Variants in RASEF observed in about 807,000 individuals in gnomAD.
RASEF encodes ras and EF-hand domain-containing protein.
In RASEF, 68 loss-of-function variants were observed where a neutral mutation model predicts 90.1. The observed-to-expected ratio is 0.75, with a 90% confidence interval of 0.62 to 0.92. The LOEUF is 0.92. RASEF is among the 40% of genes least tolerant of loss of function. The pLI is 0.00. For synonymous variants in RASEF, 331 were observed against 345.2 expected, an observed-to-expected ratio of 0.96 and a Z score of 0.46; for missense variants, 949 against 937.2, an observed-to-expected ratio of 1.01 and a Z score of -0.16.
chr9:83,022,422 G>A lies in RASEF; in HGVS notation c.583C>T (p.Gln195Ter). The change falls in exon 3 of 17, where the codon CAG becomes TAG. Residue 195 changes from glutamine (Q) to a stop codon, truncating the protein, a stop_gained. Transcript: ENST00000376447. LOFTEE classifies it high-confidence loss of function. ...CTCAACTGCATAGCTGCCTTGTCCT[G>A]GGCTCTGAAATTCAAAAGGATGCAC... ...ENLAIAVKRA[Q>*]DKAAMQLSEL... 1 of 1,612,982 alleles carries A rather than the reference G, an allele frequency of 6.2e-7. No homozygotes were observed. The highest frequency in any genetic ancestry group is 1.1e-5 in the South Asian group (1 of 91,030).
chr9:82,994,508 A>G (rs935657374), intron 14 of RASEF, among the ~76,000 whole-genome samples: 2 of 152,068 alleles, frequency 1.3e-5, no homozygotes, highest in African/African-American at 4.8e-5. Flanking sequence ...CTTCTACCAT[A>G]TCATTTCATT....
chr9:83,094,207 T>TA, the RASEF span, among the ~76,000 whole-genome samples: 1 of 151,782 alleles, frequency 6.6e-6, no homozygotes, highest in Non-Finnish European at 1.5e-5. Context: ...TCTAATATCA[T>TA]AGCCATTAGC....
chr9:83,175,705 T>C, the RASEF span, among the ~76,000 whole-genome samples: 51,828 of 151,862 alleles, frequency 0.34, 8,936 homozygotes, highest in Middle Eastern at 0.43. Context: ...CTCAGCCTCC[T>C]GAGTAGCCGG....
chr9:83,112,504 G>A, the RASEF span, among the ~76,000 whole-genome samples: 1 of 152,122 alleles, frequency 6.6e-6, no homozygotes, highest in African/African-American at 2.4e-5. Flanking sequence ...GACCAACATG[G>A]AGAAACCCCG....
rs1051690285 is a variant in RASEF, at chr9:82,982,570, C to T, written c.*107G>A. 1.8e-5 allele frequency: 13 copies of T among 732,716 alleles called. No homozygotes were observed. Among genetic ancestry groups the T allele is most frequent in the Non-Finnish European group, 3.3e-5 (13 of 399,210 alleles). 45.4% of individuals were successfully genotyped at this position (732,716 alleles called of 1,614,324 possible). ...TTCAGGTTTCCTGCACTGTAACTCTCCATAGGACAGTGTCAGTAGGATGTG... is the reference window on the plus strand; with the variant it reads ...TTCAGGTTTCCTGCACTGTAACTCTTCATAGGACAGTGTCAGTAGGATGTG... On this transcript the variant is annotated 3_prime_UTR_variant, in exon 17 of 17. Transcript: ENST00000376447.
the RASEF span, among the ~76,000 whole-genome samples, chr9:83,139,519 A>G: frequency 6.6e-6 from 1 of 152,220 alleles, no homozygotes; most frequent in African/African-American, 2.4e-5. Flanking sequence ...TAATAAAATC[A>G]TAAGGAAGAG....
the RASEF span, among the ~76,000 whole-genome samples, chr9:83,178,284 C>T: frequency 2.3e-4 from 35 of 152,284 alleles, 1 homozygote; most frequent in African/African-American, 7.9e-4. Context: ...ATGCAGACAC[C>T]TGCTAATTGA....
At chr9:83,070,816 TTA>T in the RASEF span, among the ~76,000 whole-genome samples, 1 of 152,162 alleles carries the variant, frequency 6.6e-6, no homozygotes, top group Non-Finnish European at 1.5e-5. Flanking sequence ...GTTGAGTAGG[TTA>T]TGATTTATAG....
At chr9:83,179,532 A>G in the RASEF span, among the ~76,000 whole-genome samples, 2 of 152,186 alleles carry the variant, frequency 1.3e-5, no homozygotes, top group African/African-American at 2.4e-5. Context: ...AACAAGTCCA[A>G]TGGGAAAGGA....
At chr9:83,116,902 C>T in the RASEF span, among the ~76,000 whole-genome samples, 1 of 152,124 alleles carries the variant, frequency 6.6e-6, no homozygotes, top group African/African-American at 2.4e-5. Context: ...CAATTACTTT[C>T]GTTCATCTAG....
chr9:83,093,063 TAC>T, the RASEF span, among the ~76,000 whole-genome samples: 2 of 151,918 alleles, frequency 1.3e-5, no homozygotes, highest in African/African-American at 4.8e-5. Context: ...AGTAGCTAGA[TAC>T]AGAGTGTCGA....
At position 83,012,455 on chromosome 9, in the gene RASEF, T is replaced by C; in HGVS notation, c.822A>G (p.Lys274=). 2 of 1,582,818 alleles carry C rather than the reference T, an allele frequency of 1.3e-6. No individual in the cohort carries two copies. Among genetic ancestry groups the C allele is most frequent in the Non-Finnish European group, 1.7e-6 (2 of 1,162,960 alleles). ...SQKEDVAALK[K]QIYDLSMENQ... Reference sequence around the variant, plus strand: ...TTACCATTGATAAATCATAAATTTGTTTTTTCAATGCAGCCACATCTTCCT... The same window carrying C: ...TTACCATTGATAAATCATAAATTTGCTTTTTCAATGCAGCCACATCTTCCT... Residue 274 remains lysine (K), a synonymous_variant, in exon 5 of 17, where the codon AAA becomes AAG. Transcript: ENST00000376447.
chr9:83,160,093 A>G, the RASEF span, among the ~76,000 whole-genome samples: 1 of 152,204 alleles, frequency 6.6e-6, no homozygotes, highest in Admixed American at 6.5e-5. Context: ...TGTCTTTATC[A>G]GTAGCTTGAG....
the RASEF span, among the ~76,000 whole-genome samples, chr9:83,105,251 A>C: frequency 6.6e-6 from 1 of 152,208 alleles, no homozygotes; most frequent in East Asian, 1.9e-4. Flanking sequence ...ACCTCTTCCT[A>C]CCTCAAAGAG....
chr9:83,150,163 A>G, the RASEF span, among the ~76,000 whole-genome samples: 1 of 152,182 alleles, frequency 6.6e-6, no homozygotes, highest in Non-Finnish European at 1.5e-5. Flanking sequence ...GGAGCAGCCA[A>G]ATGGAAGAGA....
chr9:83,103,919 T>A, the RASEF span, among the ~76,000 whole-genome samples: 9 of 152,222 alleles, frequency 5.9e-5, no homozygotes, highest in Non-Finnish European at 1.2e-4. Context: ...TGCTTCATGA[T>A]GAGAAGTCCC....
intron 14 of RASEF, among the ~76,000 whole-genome samples, chr9:82,993,478 C>T (rs188217517): frequency 2.8e-4 from 42 of 152,298 alleles, no homozygotes; most frequent in Non-Finnish European, 5.4e-4. Context: ...ACATAATTTT[C>T]TACAACTGTT....
At chr9:83,065,018 A>C (rs148332449), upstream of RASEF, among the ~76,000 whole-genome samples, 1 of 152,214 alleles carries the variant, frequency 6.6e-6, no homozygotes, top group Non-Finnish European at 1.5e-5. Context: ...CAGTGAGCCG[A>C]GATCGCGCCA....
intron 3 of RASEF, among the ~76,000 whole-genome samples, chr9:83,018,780 G>A (rs566739960): frequency 6.0e-4 from 91 of 152,096 alleles, no homozygotes; most frequent in African/African-American, 2.1e-3. Flanking sequence ...AAACCAATAG[G>A]TATCAAGACA....
Sources: allele counts gnomAD v4.1 joint callset (sites outside exome capture counted in the v4.1 genomes callset), GRCh38; gene constraint gnomAD v4.1.1; transcripts MANE v1.5; gene names NCBI Gene and HGNC (gene_info 2026-07-23, HGNC 2026-07-21).